GDF1: variants seen among roughly 807,000 people sequenced by gnomAD.
GDF1 encodes embryonic growth/differentiation factor 1.
GDF1 carries 8 observed loss-of-function variants against 7.4 expected under a neutral mutation model. The observed-to-expected ratio is 1.09, with a 90% confidence interval of 0.64 to 1.96. The LOEUF is 1.96. GDF1 is among the 30% of genes most tolerant of loss of function. GDF1 has a pLI of 0.00. For synonymous variants in GDF1, 311 were observed against 276.7 expected (o/e 1.12, Z -1.23); for missense variants, 574 against 551.5 (o/e 1.04, Z -0.41).
intron 1 of GDF1, 121 bp from the exon 2 acceptor site, chr19:18,893,696 C>T: frequency 1.0e-6 from 1 of 977,876 alleles, no homozygotes; most frequent in Non-Finnish European, 1.5e-6. Flanking sequence ...AGGCCTGTCC[C>T]CCATGCCCAC....
intron 3 of GDF1, among the ~76,000 whole-genome samples, chr19:18,882,913 G>A (rs1466352640): frequency 6.6e-6 from 1 of 151,974 alleles, no homozygotes; most frequent in Non-Finnish European, 1.5e-5. Context: ...GGATGGTCTC[G>A]ATCTCCTGAC....
rs1254662181 is a variant in GDF1 at position 18,896,100 on chromosome 19, G to C, written c.-1350C>G. ...CGCCCGCTCGCCCGCCGTGCCCGTC[G>C]CCTGCGCCCGCCCGCGGTAGCCGAC... On this transcript the variant is annotated 5_prime_UTR_variant, in exon 1 of 8. Coordinates refer to ENST00000247005, the MANE Select transcript of GDF1 (RefSeq NM_001492.6). This position sits in a 1 kb window ranked among gnomAD's most constrained non-coding sequence, Gnocchi z 5.9. 2.3e-6 allele frequency: 2 copies of C among 871,650 alleles called. No individual in the cohort carries two copies. Among genetic ancestry groups the C allele is most frequent in the Non-Finnish European group, 2.7e-6 (2 of 729,200 alleles). The allele number at this position is 871,650 out of a possible 1,614,324, so 54.0% of individuals were successfully genotyped here. A position where few individuals can be genotyped will look rare whatever the true frequency, so the allele number is the denominator to read the frequency against.
chr19:18,868,804 G>A lies in GDF1; in HGVS notation c.912C>T (p.Val304=). ...NYCQGQCALP[V]ALSGSGGPPA... ...GCGGCCCCCCGGACCCCGACAGCGC[G>A]ACGGGCAGCGCGCACTGACCCTGGC... Residue 304 remains valine (V), a synonymous_variant, in exon 8 of 8, where the codon GTC becomes GTT. Coordinates refer to ENST00000247005, the MANE Select transcript of GDF1 (RefSeq NM_001492.6). 6.9e-7 allele frequency: 1 copy of A among 1,455,996 alleles called. No individual in the cohort carries two copies. The allele number at this position is 1,455,996 out of a possible 1,614,324, so 90.2% of individuals were successfully genotyped here.
At chr19:18,882,091 T>C (rs1326403350) in intron 3 of GDF1, 2 of 154,312 alleles carry the variant, frequency 1.3e-5, no homozygotes, top group African/African-American at 4.8e-5. Context: ...ATTACAGGCA[T>C]GAGCCACTGC....
At position 18,868,686 on chromosome 19, in the gene GDF1, G is replaced by A. The variant is rs779492558; in HGVS notation, c.1030C>T (p.Pro344Ser). ...TTGTCAAAGAAGAGCACGGAGATGG[G>A]CGACAGGCGCGCGGGCACGCAGCAG... ...LPCCVPARLS[P>S]ISVLFFDNSD... Residue 344 changes from proline (P) to serine (S), a missense_variant, in exon 8 of 8, where the codon CCC (proline) becomes TCC (serine). Pro to Ser is a moderately conservative substitution (Grantham distance 74). Coordinates refer to ENST00000247005, the MANE Select transcript of GDF1 (RefSeq NM_001492.6). 1.7e-5 allele frequency: 26 copies of A among 1,564,532 alleles called. No homozygotes were observed. The highest frequency in any genetic ancestry group is 2.4e-5 in the East Asian group (1 of 42,346).
At chr19:18,869,495 AC>A in intron 7 of GDF1, 105 bp from the exon 8 acceptor site, 1 of 1,310,720 alleles carries the variant, frequency 7.6e-7, no homozygotes, top group Non-Finnish European at 9.9e-7. Flanking sequence ...CTCGGGGCGC[AC>A]CGTCTGTGGG....
chr19:18,889,722 A>T (rs1003008288), intron 2 of GDF1, among the ~76,000 whole-genome samples: 3 of 151,964 alleles, frequency 2.0e-5, no homozygotes, highest in Non-Finnish European at 4.4e-5. Flanking sequence ...GAGTCACCGC[A>T]CCTGGCCTGT....
At chr19:18,879,720 C>T (rs1280946649) in intron 4 of GDF1, among the ~76,000 whole-genome samples, 1 of 149,058 alleles carries the variant, frequency 6.7e-6, no homozygotes, top group Non-Finnish European at 1.5e-5. Context: ...CTGCCCAGTC[C>T]CTCCCCTTTC....
chr19:18,880,516 C>T, intron 3 of GDF1, 81 bp from the exon 4 acceptor site: 1 of 1,378,312 alleles, frequency 7.3e-7, no homozygotes, highest in Non-Finnish European at 9.8e-7. Flanking sequence ...CAGCAGAGTC[C>T]CTGGGCTACA....
At chr19:18,881,468 C>T (rs1294492293) in intron 3 of GDF1, among the ~76,000 whole-genome samples, 1 of 152,094 alleles carries the variant, frequency 6.6e-6, no homozygotes, top group Non-Finnish European at 1.5e-5. Context: ...GACCCACCCG[C>T]CTTGGCCTCC....
chr19:18,871,153 G>C (rs1270979496), intron 6 of GDF1, among the ~76,000 whole-genome samples: 1 of 151,074 alleles, frequency 6.6e-6, no homozygotes, highest in Non-Finnish European at 1.5e-5. Flanking sequence ...AACCTCCAAG[G>C]CTCAATGGAT....
intron 3 of GDF1, chr19:18,883,304 G>A (rs1003774325): frequency 3.9e-5 from 6 of 152,136 alleles, no homozygotes; most frequent in African/African-American, 1.2e-4. Flanking sequence ...AAAAGAACAG[G>A]TAATATTAAT....
chr19:18,869,729 G>A (rs2055929623), intron 7 of GDF1, among the ~76,000 whole-genome samples: 1 of 151,770 alleles, frequency 6.6e-6, no homozygotes, highest in Non-Finnish European at 1.5e-5. Flanking sequence ...GTCAAGAGGT[G>A]GGGGTGGGCA....
Position 18,870,530 on chromosome 19 carries a change from G to C in GDF1, c.-223C>G. 1.9e-6 allele frequency: 1 copy of C among 516,652 alleles called. No homozygotes were observed. Among genetic ancestry groups the C allele is most frequent in the Non-Finnish European group, 3.5e-6 (1 of 285,920 alleles). 32.0% of individuals were successfully genotyped at this position (516,652 alleles called of 1,614,324 possible). A position where few individuals can be genotyped will look rare whatever the true frequency, so the allele number is the denominator to read the frequency against. ...GCGGCCAAGGACGGGGAGCGTGGCC[G>C]GGGTATTCGGGGTGGGGCCGGGTCC... On this transcript the variant is annotated 5_prime_UTR_variant, in exon 7 of 8. Transcript: ENST00000247005. This position sits in a 1 kb window ranked among gnomAD's most constrained non-coding sequence, Gnocchi z 5.1.
rs1301159117 is a variant in GDF1, at chr19:18,868,845, A to T, written c.871T>A (p.Phe291Ile). The T allele has an allele frequency of 4.1e-6, 6 of 1,449,992 alleles. No individual in the cohort carries two copies. Among genetic ancestry groups the T allele is most frequent in the South Asian group, 1.2e-5 (1 of 81,224 alleles). The allele number at this position is 1,449,992 out of a possible 1,614,324, so 89.8% of individuals were successfully genotyped here. Reference sequence around the variant, plus strand: ...TGACCCTGGCAGTAGTTGGCCAGGAAGCCGCGCGGCGCGATGACCCAGCGG... The same window carrying T: ...TGACCCTGGCAGTAGTTGGCCAGGATGCCGCGCGGCGCGATGACCCAGCGG... ...WHRWVIAPRG[F>I]LANYCQGQCA... The change falls in exon 8 of 8, where the codon TTC becomes ATC. Residue 291 changes from phenylalanine to isoleucine, a missense_variant. Transcript: ENST00000247005.
At position 18,880,343 on chromosome 19, in the gene GDF1, C is replaced by A. The variant is rs777656031; in HGVS notation, c.-640G>T. 3.8e-6 allele frequency: 6 copies of A among 1,559,496 alleles called. No individual in the cohort carries two copies. Among genetic ancestry groups the A allele is most frequent in the Non-Finnish European group, 1.7e-6 (2 of 1,151,930 alleles). On this transcript the variant is annotated 5_prime_UTR_variant, in exon 4 of 8. Coordinates refer to ENST00000247005, the MANE Select transcript of GDF1 (RefSeq NM_001492.6). The stretch of plus-strand genomic sequence containing the variant: ...ATGCAGCCGATGGTAGGAGCCGCCG[C>A]GGGACTTGAAGTAAATGTTGAGCTT...
At position 18,878,809 on chromosome 19, in the gene GDF1, T is replaced by C. The variant is rs1468126814; in HGVS notation, c.-313+121A>G. On this transcript the variant is annotated intron_variant, in intron 6 of 7. Transcript: ENST00000247005. The surrounding 1 kb of genome is among the most constrained non-coding windows in gnomAD (Gnocchi z 4.6). ...TTGCAGTCTCTGTTTTGGAGTAGGC[T>C]TGGGGGGCAGCATCCGCGTCGGCCT... 1 of 1,488,132 alleles carries C rather than the reference T, an allele frequency of 6.7e-7. No individual in the cohort carries two copies. The highest frequency in any genetic ancestry group is 8.9e-7 in the Non-Finnish European group (1 of 1,119,214). 92.2% of individuals were successfully genotyped at this position (1,488,132 alleles called of 1,614,324 possible).
At position 18,869,092 on chromosome 19, in the gene GDF1, T is replaced by C; in HGVS notation, c.624A>G (p.Ser208=). 9.3e-7 allele frequency: 1 copy of C among 1,074,334 alleles called. No homozygotes were observed. The highest frequency in any genetic ancestry group is 1.1e-6 in the Non-Finnish European group (1 of 886,944). 66.6% of individuals were successfully genotyped at this position (1,074,334 alleles called of 1,614,324 possible). A position where few individuals can be genotyped will look rare whatever the true frequency, so the allele number is the denominator to read the frequency against. Residue 208 remains serine (S), a synonymous_variant, in exon 8 of 8, where the codon TCA becomes TCG. Transcript: ENST00000247005. ...LLGAAWARNA[S]WPRSLRLALA... is the part of the protein sequence containing the mutation. ...GCGCCAGGCGGAGGCTGCGCGGCCA[T>C]GAGGCGTTGCGAGCCCAAGCGGCGC...
rs1353917040 is a variant in GDF1, at chr19:18,869,403, G to A, written c.326-13C>T. 39 of 1,528,408 alleles carry A rather than the reference G, an allele frequency of 2.6e-5. No homozygotes were observed. Among genetic ancestry groups the A allele is most frequent in the Non-Finnish European group, 3.1e-5 (36 of 1,144,160 alleles). The allele number at this position is 1,528,408 out of a possible 1,614,324, so 94.7% of individuals were successfully genotyped here. A position where few individuals can be genotyped will look rare whatever the true frequency, so the allele number is the denominator to read the frequency against. On this transcript the variant is annotated splice_polypyrimidine_tract_variant and intron_variant, in intron 7 of 7. Coordinates refer to ENST00000247005, the MANE Select transcript of GDF1 (RefSeq NM_001492.6). ...CGGGTGGGCGCACCTGGGGAGGTAG[G>A]AACAGGAACTCGGCTCGCGCTGCGT...
Sources: allele counts gnomAD v4.1 joint callset (sites outside exome capture counted in the v4.1 genomes callset), GRCh38; gene constraint gnomAD v4.1.1; non-coding constraint Gnocchi (gnomAD v3.1); transcripts MANE v1.5; gene names NCBI Gene and HGNC (gene_info 2026-07-23, HGNC 2026-07-21).